Variants in TLL2 observed in about 807,000 individuals in gnomAD.
TLL2 encodes tolloid-like protein 2.
A neutral mutation model predicts 123.0 loss-of-function variants in TLL2; 106 were observed. The ratio of observed to expected loss-of-function variants is 0.86; its 90% CI spans 0.74 to 1.01. The LOEUF (loss-of-function observed/expected upper bound fraction) is 1.01. Among genes scored for constraint, TLL2 ranks in the 50% least tolerant of loss-of-function variants. The pLI is 0.00. For synonymous variants in TLL2, 494 were observed against 516.8 expected (o/e 0.96, Z 0.60); for missense variants, 1,332 against 1,336.7 (o/e 1.00, Z 0.06).
intron 2 of TLL2, among the ~76,000 whole-genome samples, chr10:96,473,134 C>T (rs990798573): frequency 1.1e-4 from 17 of 152,076 alleles, no homozygotes; most frequent in Non-Finnish European, 2.9e-5. Flanking sequence ...GATAGGAACT[C>T]TAGGAACCAA....
intron 13 of TLL2, 69 bp downstream of exon 13, chr10:96,395,118 G>A: frequency 6.8e-7 from 1 of 1,463,872 alleles, no homozygotes; most frequent in East Asian, 2.3e-5. Flanking sequence ...ATGGTTTTGT[G>A]TGTCTTAGGC....
chr10:96,422,783 G>A, intron 5 of TLL2, 56 bp from the exon 6 acceptor site: 1 of 1,599,642 alleles, frequency 6.3e-7, no homozygotes, highest in Non-Finnish European at 8.5e-7. Context: ...CAGAGCAAGA[G>A]GCAAGTCCCC....
At chr10:96,480,237 G>A (rs1242712327) in intron 2 of TLL2, 112 bp downstream of exon 2, 2 of 842,680 alleles carry the variant, frequency 2.4e-6, no homozygotes, top group South Asian at 1.6e-5. Flanking sequence ...CCACAAATAG[G>A]GGGGCATTAG....
At chr10:96,504,582 CA>C (rs67302663) in intron 1 of TLL2, among the ~76,000 whole-genome samples, 14,519 of 152,132 alleles carry the variant, frequency 0.095, 753 homozygotes, top group Non-Finnish European at 0.1. Flanking sequence ...TGCACACACA[CA>C]AAAAGTCTCT....
In TLL2 at chr10:96,366,791, A is replaced by C. The variant is rs112808976; in HGVS notation, c.*1297T>G. ...GTAAACATTATTTAAAAATTATTCCAACATAAATACTCTTTTAAAGCTAAC... is the reference window on the plus strand; with the variant it reads ...GTAAACATTATTTAAAAATTATTCCCACATAAATACTCTTTTAAAGCTAAC... On this transcript the variant is annotated 3_prime_UTR_variant, in exon 21 of 21. Transcript: ENST00000357947. 2.5e-3 allele frequency: 384 copies of C among 152,794 alleles called. 2 individuals carry two copies. Among genetic ancestry groups the C allele is most frequent in the African/African-American group, 8.8e-3 (365 of 41,596 alleles). 9.5% of individuals were successfully genotyped at this position (152,794 alleles called of 1,614,324 possible).
At chr10:96,479,587 C>T (rs1847291157) in intron 2 of TLL2, among the ~76,000 whole-genome samples, 2 of 152,230 alleles carry the variant, frequency 1.3e-5, no homozygotes. Context: ...TGGTGGGCTG[C>T]AGAGAGCAGT....
At chr10:96,394,091 G>A (rs935103466) in intron 13 of TLL2, among the ~76,000 whole-genome samples, 3 of 152,232 alleles carry the variant, frequency 2.0e-5, no homozygotes, top group African/African-American at 7.2e-5. Context: ...GAACCTGGGA[G>A]AAGGTCTAAG....
At chr10:96,424,147 C>T (rs1476848343) in intron 5 of TLL2, among the ~76,000 whole-genome samples, 1 of 151,770 alleles carries the variant, frequency 6.6e-6, no homozygotes, top group Non-Finnish European at 1.5e-5. Context: ...AGGATGGTTA[C>T]TGGAGGCTGG....
chr10:96,506,689 G>A (rs1047402555), intron 1 of TLL2, among the ~76,000 whole-genome samples: 1 of 149,186 alleles, frequency 6.7e-6, no homozygotes, highest in African/African-American at 2.5e-5. Context: ...ATGGCTCGGT[G>A]GCATCATGCC....
intron 1 of TLL2, among the ~76,000 whole-genome samples, chr10:96,492,331 A>C (rs1847422748): frequency 6.6e-6 from 1 of 152,110 alleles, no homozygotes; most frequent in Non-Finnish European, 1.5e-5. Flanking sequence ...CTAATTCCAA[A>C]ATCAGATCCC....
Position 96,428,666 on chromosome 10 carries a change from C to T in TLL2, c.603G>A (p.Glu201=), listed in dbSNP as rs1457780448. The T allele has an allele frequency of 2.5e-6, 4 of 1,613,930 alleles. No homozygotes were observed. Among genetic ancestry groups the T allele is most frequent in the Middle Eastern group, 1.6e-4 (1 of 6,084 alleles). ...TGTAACTGAATACAATAAAGCTTTCCTCATCCGTCCTTTCTATGAAGGTCA... is the reference window on the plus strand; with the variant it reads ...TGTAACTGAATACAATAAAGCTTTCTTCATCCGTCCTTTCTATGAAGGTCA... ...TCVTFIERTD[E]ESFIVFSYRT... The change falls in exon 5 of 21, where the codon GAG becomes GAA. Residue 201 remains glutamate, a synonymous_variant. Transcript: ENST00000357947.
rs182785422 is a variant in TLL2 at position 96,387,231 on chromosome 10, T to C, written c.1727-153A>G. On this transcript the variant is annotated intron_variant, in intron 13 of 20. Coordinates refer to ENST00000357947, the MANE Select transcript of TLL2 (RefSeq NM_012465.4). The stretch of plus-strand genomic sequence containing the variant: ...TCCCAAAGAGTGCCATGTCCACCTC[T>C]GAAAACCAGGCAGCAGCTACAGTGA... Among the ~76,000 whole-genome samples the C allele has an allele frequency of 3.6e-4, 55 of 152,288 alleles. No individual in the cohort carries two copies. The Middle Eastern group carries it at 0.01, about 28-fold the overall frequency.
chr10:96,386,838 C>A, intron 14 of TLL2, 115 bp downstream of exon 14: 3 of 1,475,336 alleles, frequency 2.0e-6, no homozygotes, highest in Non-Finnish European at 2.8e-6. Context: ...TCCACCATGT[C>A]TGCCCATTGC....
chr10:96,374,961 CGGGG>C (rs558884195), intron 18 of TLL2, among the ~76,000 whole-genome samples: 2,419 of 64,118 alleles, frequency 0.038, 99 homozygotes, highest in African/African-American at 0.11. Context: ...ACATTAGTTG[CGGGG>C]GGGGGGGGGG....
At chr10:96,426,611 A>G (rs1427396342) in intron 5 of TLL2, among the ~76,000 whole-genome samples, 1 of 152,076 alleles carries the variant, frequency 6.6e-6, no homozygotes, top group African/African-American at 2.4e-5. Context: ...CCAGTACTTT[A>G]TTTTTACCTT....
chr10:96,381,526 T>A (rs970067947), intron 16 of TLL2, among the ~76,000 whole-genome samples: 1 of 152,170 alleles, frequency 6.6e-6, no homozygotes, highest in Non-Finnish European at 1.5e-5. Flanking sequence ...TTACTTTCTC[T>A]CTAATCATCC....
rs774638884 is a variant in TLL2, at chr10:96,413,243, G to A, written c.997C>T (p.Arg333Trp). 74 of 1,614,024 alleles carry A rather than the reference G, an allele frequency of 4.6e-5. No individual in the cohort carries two copies. Among genetic ancestry groups the A allele is most frequent in the South Asian group, 9.9e-5 (9 of 91,074 alleles). ...TGAGCTATGTCTCCCTGACTGAGCC[G>A]CACGCGCTGGCCAATGGTTGGCCTG... ...GVRPTIGQRV[R>W]LSQGDIAQAR... The change falls in exon 8 of 21, where the codon CGG becomes TGG. Residue 333 changes from arginine to tryptophan, a missense_variant. Transcript: ENST00000357947.
At chr10:96,429,992 T>C (rs1589420516) in intron 4 of TLL2, among the ~76,000 whole-genome samples, 1 of 152,226 alleles carries the variant, frequency 6.6e-6, no homozygotes, top group East Asian at 1.9e-4. Flanking sequence ...AATAGTTGTC[T>C]GGGAAGTATG....
chr10:96,384,758 A>G lies in TLL2; in HGVS notation c.2023T>C (p.Tyr675His). ...CCGCTGCGCACCTCTACAAAGTCGT[A>G]CTTACAGACCTGCAAGGGAGCATGA... ...FELEGNDVCK[Y>H]DFVEVRSGLS... Residue 675 changes from tyrosine to histidine, a missense_variant, in exon 16 of 21, where the codon TAC becomes CAC. Tyr to His is a moderately conservative substitution (Grantham distance 83). Transcript: ENST00000357947. 6.3e-7 allele frequency: 1 copy of G among 1,589,658 alleles called. No homozygotes were observed. The highest frequency in any genetic ancestry group is 1.7e-4 in the Middle Eastern group (1 of 5,964).
Sources: gnomAD v4.1 joint callset for allele counts (sites outside exome capture counted in the v4.1 genomes callset) on GRCh38, gnomAD v4.1.1 for gene constraint, MANE v1.5 for transcripts, NCBI Gene and HGNC (gene_info 2026-07-23, HGNC 2026-07-21) for gene names.